KDM7A: variants seen among roughly 807,000 people sequenced by gnomAD.
KDM7A encodes the protein lysine-specific demethylase 7A.
In KDM7A, 28 loss-of-function variants were observed where a neutral mutation model predicts 114.8. The observed-to-expected ratio is 0.24, with a 90% CI of 0.18 to 0.33. The LOEUF (loss-of-function observed/expected upper bound fraction) is 0.33. Among genes scored for constraint, KDM7A ranks in the 10% least tolerant of loss-of-function variants. KDM7A has a pLI of 1.00. For missense variants in KDM7A, 942 were observed against 1,142.5 expected, an observed-to-expected ratio of 0.82 and a Z score of 2.53; for synonymous variants, 423 against 397.8, an observed-to-expected ratio of 1.06 and a Z score of -0.75.
At position 140,098,756 on chromosome 7, in the gene KDM7A, GT is replaced by G. The variant is rs1818155677; in HGVS notation, c.1918+122del. ...CTCATACTTCAGATTTTTCAAGACA[GT>G]TTTAGGGACACAAAAGTTTTCTGCT... is the stretch of plus-strand genomic sequence containing the variant. On this transcript the variant is annotated intron_variant, in intron 14 of 19. Coordinates refer to ENST00000397560, the MANE Select transcript of KDM7A (RefSeq NM_030647.2). 6 of 807,128 alleles carry G rather than the reference GT, an allele frequency of 7.4e-6. No homozygotes were observed. The East Asian group carries it at 1.6e-4, about 21-fold the overall frequency. 50.0% of individuals were successfully genotyped at this position (807,128 alleles called of 1,614,324 possible).
intron 9 of KDM7A, among the ~76,000 whole-genome samples, chr7:140,113,800 C>T (rs1199527242): frequency 6.6e-6 from 1 of 152,046 alleles, no homozygotes; most frequent in African/African-American, 2.4e-5. Flanking sequence ...AAAAGAAAGG[C>T]CATTTCATTG....
chr7:140,085,932 ATATGAGAG>A lies in KDM7A; in HGVS notation c.*5154_*5161del, dbSNP rs1817917799. ...TTACCAACCAAAATACACCAAAGAA[ATATGAGAG>A]TATGTCTGGGTTATTTTATGCCTGC... On this transcript the variant is annotated 3_prime_UTR_variant, in exon 20 of 20. Coordinates refer to ENST00000397560, the MANE Select transcript of KDM7A (RefSeq NM_030647.2). The A allele has an allele frequency of 6.6e-6, 1 of 152,234 alleles. No individual in the cohort carries two copies. Among genetic ancestry groups the A allele is most frequent in the Non-Finnish European group, 1.5e-5 (1 of 68,038 alleles). The allele number at this position is 152,234 out of a possible 1,614,324, so 9.4% of individuals were successfully genotyped here. A position where few individuals can be genotyped will look rare whatever the true frequency, so the allele number is the denominator to read the frequency against.
At chr7:140,174,502 T>C (rs1794680007) in intron 1 of KDM7A, among the ~76,000 whole-genome samples, 1 of 152,260 alleles carries the variant, frequency 6.6e-6, no homozygotes, top group Admixed American at 6.5e-5. Flanking sequence ...ACCTGGGGCT[T>C]TTCATGGTTA....
chr7:140,162,756 T>C (rs996559680), intron 1 of KDM7A, among the ~76,000 whole-genome samples: 2 of 152,088 alleles, frequency 1.3e-5, no homozygotes, highest in African/African-American at 4.8e-5. Context: ...TCGCCAAGAA[T>C]AAAGATAAAC....
Position 140,087,219 on chromosome 7 carries a change from C to A in KDM7A, c.*3875G>T, listed in dbSNP as rs1307567753. 1 of 152,202 alleles carries A rather than the reference C, an allele frequency of 6.6e-6. No individual in the cohort carries two copies. Among genetic ancestry groups the A allele is most frequent in the Non-Finnish European group, 1.5e-5 (1 of 68,038 alleles). The allele number at this position is 152,202 out of a possible 1,614,324, so 9.4% of individuals were successfully genotyped here. A position where few individuals can be genotyped will look rare whatever the true frequency, so the allele number is the denominator to read the frequency against. The stretch of plus-strand genomic sequence containing the variant: ...CATTTTAATTCCATGACTTCCTTCA[C>A]CTTTATCTAGTACCTGAAGAGTATG... On this transcript the variant is annotated 3_prime_UTR_variant, in exon 20 of 20. Coordinates refer to ENST00000397560, the MANE Select transcript of KDM7A (RefSeq NM_030647.2).
Position 140,097,629 on chromosome 7 carries a change from A to G in KDM7A, c.1932T>C (p.Arg644=). Reference sequence around the variant, plus strand: ...ATCTACTCCTGAGTTCTGATTTCACACGTGTAAAAAACCCTGAAAAAGAAT... The same window carrying G: ...ATCTACTCCTGAGTTCTGATTTCACGCGTGTAAAAAACCCTGAAAAAGAAT... The part of the protein sequence containing the change: ...SQKPLNGFFT[R]VKSELRSRSS... Residue 644 remains arginine, a synonymous_variant, in exon 15 of 20, where the codon CGT becomes CGC. Coordinates refer to ENST00000397560, the MANE Select transcript of KDM7A (RefSeq NM_030647.2). 1 of 1,589,066 alleles carries G rather than the reference A, an allele frequency of 6.3e-7. No homozygotes were observed.
intron 2 of KDM7A, among the ~76,000 whole-genome samples, chr7:140,134,529 T>C (rs1158020441): frequency 6.6e-6 from 1 of 152,184 alleles, no homozygotes; most frequent in African/African-American, 2.4e-5. Flanking sequence ...CTCTTGTGTG[T>C]TGTATCAATG....
At chr7:140,125,761 G>A (rs978407545) in intron 6 of KDM7A, among the ~76,000 whole-genome samples, 1 of 151,632 alleles carries the variant, frequency 6.6e-6, no homozygotes, top group African/African-American at 2.4e-5. Flanking sequence ...TTAGAGACAG[G>A]TTCTTGCTCT....
At chr7:140,103,887 T>C (rs1218433826) in intron 11 of KDM7A, among the ~76,000 whole-genome samples, 5 of 152,182 alleles carry the variant, frequency 3.3e-5, no homozygotes, top group East Asian at 1.9e-4. Flanking sequence ...AATCGCCACA[T>C]TGACTTCCAC....
At chr7:140,159,549 G>A (rs150712638) in intron 1 of KDM7A, among the ~76,000 whole-genome samples, 317 of 152,120 alleles carry the variant, frequency 2.1e-3, no homozygotes, top group South Asian at 8.5e-3. Context: ...TTGCCTTTTC[G>A]CGTTATGCAT....
intron 11 of KDM7A, among the ~76,000 whole-genome samples, chr7:140,104,183 T>C (rs900997537): frequency 6.6e-6 from 1 of 152,342 alleles, no homozygotes; most frequent in South Asian, 2.1e-4. Context: ...GTAAATCTGT[T>C]TGAGTTCTTT....
chr7:140,146,410 TA>T (rs1794340677), intron 1 of KDM7A, among the ~76,000 whole-genome samples: 1 of 152,116 alleles, frequency 6.6e-6, no homozygotes, highest in Non-Finnish European at 1.5e-5. Context: ...GCCTCCCTAC[TA>T]AAAAATTGCT....
At chr7:140,147,293 T>C (rs1794349351) in intron 1 of KDM7A, among the ~76,000 whole-genome samples, 1 of 152,114 alleles carries the variant, frequency 6.6e-6, no homozygotes, top group African/African-American at 2.4e-5. Context: ...TTTTGTTGAC[T>C]ATTAACTGTG....
rs571127557 is a variant in KDM7A, at chr7:140,120,560, AT to A, written c.1052-32del. 2.4e-4 allele frequency: 308 copies of A among 1,270,062 alleles called. 1 individual carries two copies. The South Asian group carries it at 3.6e-3, about 15-fold the overall frequency. 78.7% of individuals were successfully genotyped at this position (1,270,062 alleles called of 1,614,324 possible). On this transcript the variant is annotated intron_variant, in intron 7 of 19. Transcript: ENST00000397560. ...ATGGTTGAAAATATATAAACCAGTCATTTTTCAATATGTAAACTAAACCAAT... is the reference window on the plus strand; with the variant it reads ...ATGGTTGAAAATATATAAACCAGTCATTTTCAATATGTAAACTAAACCAAT...
In KDM7A at chr7:140,096,630, GGA is replaced by G; in HGVS notation, c.2297_2298del (p.Leu766ProfsTer10). ...STDCSGERNS[L>X]QDPSSCHGSN... ...CTGCCATGGCAGCTGCTGGGATCCT[GGA>G]GAGAGTTTCTTTCACCACTGCAGTC... is the stretch of plus-strand genomic sequence containing the variant. On this transcript the variant is annotated frameshift_variant, in exon 17 of 20. Transcript: ENST00000397560. LOFTEE classifies it high-confidence loss of function. 6.2e-7 allele frequency: 1 copy of G among 1,614,104 alleles called. No individual in the cohort carries two copies. Among genetic ancestry groups the G allele is most frequent in the Non-Finnish European group, 8.5e-7 (1 of 1,179,994 alleles).
chr7:140,154,243 T>C (rs903259654), intron 1 of KDM7A, among the ~76,000 whole-genome samples: 1 of 151,482 alleles, frequency 6.6e-6, no homozygotes, highest in African/African-American at 2.4e-5. Context: ...CCCAGCACTT[T>C]GGGAGGCTAA....
At chr7:140,107,883 A>G (rs1818366076) in intron 11 of KDM7A, among the ~76,000 whole-genome samples, 1 of 152,074 alleles carries the variant, frequency 6.6e-6, no homozygotes, top group African/African-American at 2.4e-5. Context: ...ACTTGGTTCC[A>G]TTCTCCCCGT....
chr7:140,112,628 T>G (rs1472765005), intron 10 of KDM7A, among the ~76,000 whole-genome samples: 4 of 151,800 alleles, frequency 2.6e-5, no homozygotes, highest in Non-Finnish European at 5.9e-5. Flanking sequence ...AAAAAGAAAT[T>G]AATATGGACA....
chr7:140,091,051 A>T lies in KDM7A; in HGVS notation c.*43T>A. 1 of 1,434,050 alleles carries T rather than the reference A, an allele frequency of 7.0e-7. No individual in the cohort carries two copies. Among genetic ancestry groups the T allele is most frequent in the Non-Finnish European group, 9.8e-7 (1 of 1,015,438 alleles). 88.8% of individuals were successfully genotyped at this position (1,434,050 alleles called of 1,614,324 possible). A position where few individuals can be genotyped will look rare whatever the true frequency, so the allele number is the denominator to read the frequency against. On this transcript the variant is annotated 3_prime_UTR_variant, in exon 20 of 20. Coordinates refer to ENST00000397560, the MANE Select transcript of KDM7A (RefSeq NM_030647.2). Reference sequence around the variant, plus strand: ...GGAAGCTCCAGGCTCCTGCACCCCTAGACTGGTCTCCAAAGGGAAGAATGG... The same window carrying T: ...GGAAGCTCCAGGCTCCTGCACCCCTTGACTGGTCTCCAAAGGGAAGAATGG...
Sources: allele counts gnomAD v4.1 joint callset (sites outside exome capture counted in the v4.1 genomes callset), GRCh38; gene constraint gnomAD v4.1.1; transcripts MANE v1.5; gene names NCBI Gene and HGNC (gene_info 2026-07-23, HGNC 2026-07-21).